Variants in PHF21A observed in about 807,000 individuals in gnomAD.
The protein encoded by PHF21A is PHD finger protein 21A, also known as BHC80a.
PHF21A carries 11 observed loss-of-function variants against 82.5 expected under a neutral mutation model. That is an observed-to-expected ratio of 0.13 (90% CI 0.08 to 0.22). PHF21A has a LOEUF of 0.22. Among genes scored for constraint, PHF21A ranks in the 10% least tolerant of loss-of-function variants. The pLI, the probability that PHF21A is intolerant of heterozygous loss-of-function variation, is 1.00. For missense variants in PHF21A, 579 were observed against 837.8 expected (o/e 0.69, Z 3.81); for synonymous variants, 297 against 302.8 (o/e 0.98, Z 0.20).
chr11:45,970,074 C>A, intron 8 of PHF21A, 170 bp from the exon 9 acceptor site: 1 of 608,944 alleles, frequency 1.6e-6, no homozygotes. Flanking sequence ...AACTCTCCCA[C>A]CTGTGTGCTT....
chr11:46,106,614 T>A (rs1183115656), intron 1 of PHF21A, among the ~76,000 whole-genome samples: 2 of 152,240 alleles, frequency 1.3e-5, no homozygotes, highest in Non-Finnish European at 2.9e-5. Flanking sequence ...AATTGCTTTT[T>A]AAGACATCTT....
At chr11:45,950,079 C>G (rs1339189049) in intron 12 of PHF21A, 127 bp downstream of exon 12, 2 of 687,822 alleles carry the variant, frequency 2.9e-6, no homozygotes, top group Admixed American at 3.0e-5. Flanking sequence ...GAAATAAAGT[C>G]CACATTGGCT....
At chr11:46,108,136 A>G (rs1482903724) in intron 1 of PHF21A, among the ~76,000 whole-genome samples, 2 of 152,120 alleles carry the variant, frequency 1.3e-5, no homozygotes, top group Non-Finnish European at 2.9e-5. Context: ...TTACTTTGTA[A>G]ATGTGAAATA....
intron 6 of PHF21A, among the ~76,000 whole-genome samples, chr11:46,051,439 C>A (rs2096363768): frequency 6.6e-6 from 1 of 152,092 alleles, no homozygotes; most frequent in African/African-American, 2.4e-5. Context: ...ATTCTCATAC[C>A]ATCTTGGGCA....
intron 14 of PHF21A, among the ~76,000 whole-genome samples, chr11:45,948,155 T>C (rs547665139): frequency 1.6e-4 from 24 of 152,336 alleles, no homozygotes; most frequent in African/African-American, 5.5e-4. Flanking sequence ...ATTACTGACA[T>C]CAAAGAAAAA....
intron 16 of PHF21A, chr11:45,936,853 C>T: frequency 3.1e-6 from 1 of 319,856 alleles, no homozygotes; most frequent in Non-Finnish European, 5.8e-6. Flanking sequence ...CGCCACATGA[C>T]ACCCAACCAC....
At chr11:46,108,316 A>G (rs923259757) in intron 1 of PHF21A, among the ~76,000 whole-genome samples, 2 of 152,026 alleles carry the variant, frequency 1.3e-5, no homozygotes, top group Non-Finnish European at 2.9e-5. Context: ...GTCATTTTAA[A>G]CTGATTTTTT....
intron 6 of PHF21A, among the ~76,000 whole-genome samples, chr11:46,023,993 G>C (rs144495709): frequency 4.8e-4 from 72 of 151,086 alleles, no homozygotes; most frequent in Middle Eastern, 3.4e-3. Context: ...GAATGGCATA[G>C]AGCATGTAGC....
chr11:46,010,855 G>A (rs2095398310), intron 6 of PHF21A, among the ~76,000 whole-genome samples: 1 of 152,276 alleles, frequency 6.6e-6, no homozygotes, highest in African/African-American at 2.4e-5. Context: ...TCATAAGTCT[G>A]AATTGTTGGG....
intron 7 of PHF21A, among the ~76,000 whole-genome samples, chr11:45,973,686 C>T (rs2093886140): frequency 1.3e-5 from 2 of 152,190 alleles, no homozygotes; most frequent in Admixed American, 1.3e-4. Flanking sequence ...ACTGCATTAT[C>T]AGCAATTTGT....
At chr11:45,949,592 G>C in intron 12 of PHF21A, 111 bp from the exon 13 acceptor site, 3 of 928,770 alleles carry the variant, frequency 3.2e-6, no homozygotes, top group Non-Finnish European at 5.2e-6. Context: ...TCAGGGACAA[G>C]TCTCTGTTTC....
At chr11:46,119,810 C>T (rs991088719) in intron 1 of PHF21A, 2 of 150,614 alleles carry the variant, frequency 1.3e-5, no homozygotes, top group African/African-American at 4.9e-5. Flanking sequence ...GAGAGGATGA[C>T]GAGAAGTGTT....
chr11:45,938,591 A>G (rs1028536010), intron 15 of PHF21A, among the ~76,000 whole-genome samples: 2 of 152,148 alleles, frequency 1.3e-5, no homozygotes, highest in African/African-American at 4.8e-5. Flanking sequence ...GAACCCTATA[A>G]ATATGTTTTT....
chr11:45,954,224 C>T (rs4756045), intron 10 of PHF21A, among the ~76,000 whole-genome samples: 44,696 of 151,806 alleles, frequency 0.29, 7,368 homozygotes, highest in East Asian at 0.76. Context: ...CTTGAACTCC[C>T]GACCTCAGGT....
At chr11:46,070,518 A>G (rs2096644673) in intron 6 of PHF21A, among the ~76,000 whole-genome samples, 1 of 152,148 alleles carries the variant, frequency 6.6e-6, no homozygotes, top group Non-Finnish European at 1.5e-5. Flanking sequence ...TTTAGTAGAG[A>G]CAGGGTTTCG....
chr11:45,969,140 G>GA (rs974084178), intron 9 of PHF21A, among the ~76,000 whole-genome samples: 1 of 152,226 alleles, frequency 6.6e-6, no homozygotes, highest in Admixed American at 6.5e-5. Flanking sequence ...CCCTTTGTCT[G>GA]AAAACTAGGG....
Position 45,978,428 on chromosome 11 carries a change from T to C in PHF21A, c.360+1332A>G, listed in dbSNP as rs184951014. On this transcript the variant is annotated intron_variant, in intron 7 of 18. Transcript: ENST00000676320. ...CACTTAGGAGACTGCCAGTATACAG[T>C]AACCTCTATTAAATGTTAACTTATC... Among the ~76,000 whole-genome samples the C allele has an allele frequency of 6.6e-5, 10 of 152,332 alleles. No individual in the cohort carries two copies. In the East Asian group the frequency reaches 1.7e-3, roughly 26 times the overall value.
At chr11:46,007,348 C>T (rs1017808371) in intron 6 of PHF21A, among the ~76,000 whole-genome samples, 16 of 151,116 alleles carry the variant, frequency 1.1e-4, no homozygotes, top group Non-Finnish European at 1.8e-4. Context: ...TGGAGTTTCA[C>T]TCTTGTCCAG....
In PHF21A at chr11:46,018,249, CA is replaced by C. The variant is rs772133757; in HGVS notation, c.154-38284del. ...TGGGCGACAGAGCGAGACTCCGTCTCAAAAAAAAAAAAAAAAAAATGTGTCC... is the reference window on the plus strand; with the variant it reads ...TGGGCGACAGAGCGAGACTCCGTCTCAAAAAAAAAAAAAAAAAATGTGTCC... On this transcript the variant is annotated intron_variant, in intron 6 of 18. Transcript: ENST00000676320. Among the ~76,000 whole-genome samples the C allele has an allele frequency of 6.9e-3, 527 of 76,244 alleles. 2 individuals are homozygous for C. The highest frequency in any genetic ancestry group is 0.014 in the Middle Eastern group (2 of 142). The allele number at this position is 76,244 out of a possible 152,430, so 50.0% of individuals were successfully genotyped here.
Sources: gnomAD v4.1 joint callset for allele counts (sites outside exome capture counted in the v4.1 genomes callset) on GRCh38, gnomAD v4.1.1 for gene constraint, MANE v1.5 for transcripts, NCBI Gene and HGNC (gene_info 2026-07-23, HGNC 2026-07-21) for gene names.